UGGT2: variants seen among roughly 807,000 people sequenced by gnomAD.
UGGT2 encodes the protein UDP-glucose glycoprotein glucosyltransferase 2, also known as UDP-glucose:glycoprotein glucosyltransferase 2.
In UGGT2, 180 loss-of-function variants were observed where a neutral mutation model predicts 192.1. That is an observed-to-expected ratio of 0.94 (90% CI 0.83 to 1.06). The LOEUF is 1.06. UGGT2 is among the 50% of genes least tolerant of loss of function. UGGT2 has a pLI of 0.00. For missense variants in UGGT2, 1,849 were observed against 1,795.7 expected (o/e 1.03, Z -0.54); for synonymous variants, 580 against 591.0 (o/e 0.98, Z 0.27).
At chr13:95,939,751 T>C (rs919423658) in intron 16 of UGGT2, among the ~76,000 whole-genome samples, 2 of 152,136 alleles carry the variant, frequency 1.3e-5, no homozygotes, top group Non-Finnish European at 2.9e-5. Flanking sequence ...AATAGATCTC[T>C]TGAACTTATT....
At chr13:95,900,253 G>GA (rs1330505836) in intron 22 of UGGT2, among the ~76,000 whole-genome samples, 2 of 152,126 alleles carry the variant, frequency 1.3e-5, no homozygotes, top group South Asian at 2.1e-4. Context: ...ATGTATGGTA[G>GA]AAAAAAGGGC....
rs190673440 is a variant in UGGT2 at position 95,806,406 on chromosome 13, A to T, written c.4529-4594T>A. ...ATTACTGGAGATCCAGTTGGTGTCC[A>T]GTGAATTGGAGAATTGGTGTTAGAA... On this transcript the variant is annotated intron_variant, in intron 38 of 38. Coordinates refer to ENST00000376747, the MANE Select transcript of UGGT2 (RefSeq NM_020121.4). 3.3e-4 allele frequency among the ~76,000 whole-genome samples: 50 copies of T among 152,300 alleles called. No homozygotes were observed. In the Middle Eastern group the frequency reaches 0.01, roughly 31 times the overall value.
At chr13:95,939,265 C>G (rs1445424658) in intron 16 of UGGT2, among the ~76,000 whole-genome samples, 1 of 152,160 alleles carries the variant, frequency 6.6e-6, no homozygotes, top group African/African-American at 2.4e-5. Flanking sequence ...CCCTTGTTTT[C>G]TTTTGTCTAA....
chr13:96,007,116 C>T (rs1043122260), intron 5 of UGGT2, among the ~76,000 whole-genome samples: 1 of 152,066 alleles, frequency 6.6e-6, no homozygotes, highest in Non-Finnish European at 1.5e-5. Context: ...GAGATTCATC[C>T]CAGGGATACA....
At chr13:95,887,397 G>A in intron 26 of UGGT2, 1 of 454,344 alleles carries the variant, frequency 2.2e-6, no homozygotes, top group South Asian at 1.6e-5. Context: ...GTCCCCTCTT[G>A]AGAGAGAATG....
chr13:95,847,790 A>AT (rs1888625372), intron 36 of UGGT2, among the ~76,000 whole-genome samples: 1 of 152,262 alleles, frequency 6.6e-6, no homozygotes, highest in Admixed American at 6.5e-5. Flanking sequence ...TTATGTAGCC[A>AT]TAAGTTTTCA....
Position 95,808,288 on chromosome 13 carries a change from T to C in UGGT2, c.4529-6476A>G, listed in dbSNP as rs560336915. ...CAAGGCTTGGGGGTTAGCAGCTTTA[T>C]AGATAAGAATATTACTGATCTTAAG... On this transcript the variant is annotated intron_variant, in intron 38 of 38. Transcript: ENST00000376747. 6.6e-5 allele frequency among the ~76,000 whole-genome samples: 10 copies of C among 152,298 alleles called. No individual in the cohort carries two copies. In the East Asian group the frequency reaches 1.9e-3, roughly 29 times the overall value.
intron 20 of UGGT2, among the ~76,000 whole-genome samples, chr13:95,920,230 A>C (rs1298303667): frequency 6.6e-6 from 1 of 152,156 alleles, no homozygotes; most frequent in Non-Finnish European, 1.5e-5. Context: ...AAAACCCGAA[A>C]CTATTAAAAC....
At chr13:95,861,026 A>G (rs1890116880) in intron 31 of UGGT2, 143 bp from the exon 32 acceptor site, 1 of 412,180 alleles carries the variant, frequency 2.4e-6, no homozygotes, top group African/African-American at 2.1e-5. Context: ...ACAAACTAAT[A>G]TTAAAATATT....
At chr13:95,873,761 C>T (rs923892514) in intron 29 of UGGT2, among the ~76,000 whole-genome samples, 6 of 152,072 alleles carry the variant, frequency 3.9e-5, no homozygotes, top group African/African-American at 1.4e-4. Flanking sequence ...CTATCCCAGA[C>T]CAGGTTTTCT....
In UGGT2 at chr13:96,017,108, C is replaced by T. The variant is rs564897744; in HGVS notation, c.486-3627G>A. ...AACGGGAATGTTTACCCAATGCCTG[C>T]ACCATCTCTGTACCTTGGAAGTAAA... On this transcript the variant is annotated intron_variant, in intron 4 of 38. Transcript: ENST00000376747. Among the ~76,000 whole-genome samples the T allele has an allele frequency of 2.6e-5, 4 of 152,282 alleles. No homozygotes were observed. The South Asian group carries it at 8.3e-4, about 32-fold the overall frequency.
Position 95,940,056 on chromosome 13 carries a change from G to A in UGGT2, c.1713C>T (p.Leu571=). 1 of 1,565,356 alleles carries A rather than the reference G, an allele frequency of 6.4e-7. No individual in the cohort carries two copies. The highest frequency in any genetic ancestry group is 1.2e-5 in the South Asian group (1 of 84,088). ...GAACACTCTTCACATTGTCCACAGT[G>A]AGTATATTTTGATCCTTCTTCACTT... ...YQKVKKDQNI[L]TVDNVKSVLQ... is the part of the protein sequence containing the mutation. Residue 571 remains leucine, a synonymous_variant, in exon 16 of 39, where the codon CTC becomes CTT. Transcript: ENST00000376747.
At chr13:95,805,270 T>TA (rs199678189) in intron 38 of UGGT2, among the ~76,000 whole-genome samples, 10,412 of 141,826 alleles carry the variant, frequency 0.073, 472 homozygotes, top group East Asian at 0.2. Context: ...ATGACTGCTA[T>TA]AAAAAAAAAA....
At chr13:96,001,918 T>C (rs984250469) in intron 5 of UGGT2, among the ~76,000 whole-genome samples, 47 of 152,156 alleles carry the variant, frequency 3.1e-4, no homozygotes, top group African/African-American at 1.0e-3. Context: ...CTTATGACTT[T>C]CTTAATAACA....
At chr13:95,999,386 T>G in intron 5 of UGGT2, 79 bp from the exon 6 acceptor site, 1 of 1,309,814 alleles carries the variant, frequency 7.6e-7, no homozygotes, top group Non-Finnish European at 1.1e-6. Context: ...CCACGATGTA[T>G]TTGGACATAA....
intron 20 of UGGT2, among the ~76,000 whole-genome samples, chr13:95,909,116 A>G (rs1239578385): frequency 6.6e-6 from 1 of 151,978 alleles, no homozygotes; most frequent in Non-Finnish European, 1.5e-5. Context: ...CCTTGAATTG[A>G]TTTTTGTATA....
Position 95,830,932 on chromosome 13 carries a change from G to A in UGGT2, c.4528+1995C>T, listed in dbSNP as rs888641705. The stretch of plus-strand genomic sequence containing the variant: ...AGAAAATGTGGCACATATACACCAC[G>A]GAATACTATGCAGCCTTAAAAAAGG... On this transcript the variant is annotated intron_variant, in intron 38 of 38. Coordinates refer to ENST00000376747, the MANE Select transcript of UGGT2 (RefSeq NM_020121.4). Among the ~76,000 whole-genome samples, 5 of 152,120 alleles carry A rather than the reference G, an allele frequency of 3.3e-5. No individual in the cohort carries two copies. The South Asian group carries it at 8.3e-4, about 25-fold the overall frequency.
chr13:95,869,898 G>T (rs1327761724), intron 29 of UGGT2, among the ~76,000 whole-genome samples: 2 of 152,118 alleles, frequency 1.3e-5, no homozygotes, highest in Admixed American at 1.3e-4. Context: ...TTCACTGTGT[G>T]TCAGAAAGCA....
intron 5 of UGGT2, among the ~76,000 whole-genome samples, chr13:96,007,605 G>C (rs1402223594): frequency 2.0e-5 from 3 of 152,172 alleles, no homozygotes; most frequent in African/African-American, 7.2e-5. Flanking sequence ...CAGTAAAGTT[G>C]CAAGATATAA....
Sources: gnomAD v4.1 joint callset for allele counts (sites outside exome capture counted in the v4.1 genomes callset) on GRCh38, gnomAD v4.1.1 for gene constraint, MANE v1.5 for transcripts, NCBI Gene and HGNC (gene_info 2026-07-23, HGNC 2026-07-21) for gene names.